RGL1: variants seen among roughly 807,000 people sequenced by gnomAD.
The protein encoded by RGL1 is ral guanine nucleotide dissociation stimulator like 1, also known as ral guanine nucleotide dissociation stimulator-like 1.
In RGL1, 24 loss-of-function variants were observed where a neutral mutation model predicts 95.2. That is an observed-to-expected ratio of 0.25 (90% CI 0.18 to 0.35). RGL1 has a LOEUF of 0.35. Ranked by LOEUF, RGL1 falls within the 10% of genes least tolerant of loss-of-function variation. The pLI is 1.00. For synonymous variants in RGL1, 329 were observed against 344.9 expected, an observed-to-expected ratio of 0.95 and a Z score of 0.51; for missense variants, 715 against 936.3, an observed-to-expected ratio of 0.76 and a Z score of 3.08.
intron 2 of RGL1, among the ~76,000 whole-genome samples, chr1:183,784,963 C>G (rs949239018): frequency 2.0e-5 from 3 of 152,188 alleles, no homozygotes; most frequent in South Asian, 4.1e-4. Context: ...AATTAATAAA[C>G]TAATAAAACA....
In RGL1 at chr1:183,828,972, G is replaced by T. The variant is rs548423849; in HGVS notation, c.139-18594G>T. On this transcript the variant is annotated intron_variant, in intron 2 of 17. Coordinates refer to ENST00000360851, the MANE Select transcript of RGL1 (RefSeq NM_001297671.3). Reference sequence around the variant, plus strand: ...AGCAGATGACTTTACTTCAGTCATGGTTTATTTCATTTTGTCATCATAGGA... The same window carrying T: ...AGCAGATGACTTTACTTCAGTCATGTTTTATTTCATTTTGTCATCATAGGA... Among the ~76,000 whole-genome samples, 4 of 152,304 alleles carry T rather than the reference G, an allele frequency of 2.6e-5. No homozygotes were observed. In the South Asian group the frequency reaches 6.2e-4, roughly 24 times the overall value.
intron 2 of RGL1, among the ~76,000 whole-genome samples, chr1:183,776,241 C>T (rs896174808): frequency 3.3e-5 from 5 of 149,808 alleles, no homozygotes; most frequent in African/African-American, 7.4e-5. Context: ...CTCCGCCTCC[C>T]GGGTTCACGC....
At chr1:183,897,564 A>G (rs1436467586) in intron 9 of RGL1, among the ~76,000 whole-genome samples, 1 of 150,616 alleles carries the variant, frequency 6.6e-6, no homozygotes, top group East Asian at 1.9e-4. Context: ...AAAAAAAAAC[A>G]AAGTTGGGGG....
chr1:183,807,031 G>A (rs1484624759), intron 2 of RGL1, among the ~76,000 whole-genome samples: 1 of 152,160 alleles, frequency 6.6e-6, no homozygotes, highest in East Asian at 1.9e-4. Flanking sequence ...CCACTACTTT[G>A]TGTGTAGAGT....
At chr1:183,640,544 A>G (rs1649855982) in intron 1 of RGL1, among the ~76,000 whole-genome samples, 1 of 152,194 alleles carries the variant, frequency 6.6e-6, no homozygotes, top group South Asian at 2.1e-4. Flanking sequence ...GCCAAAGAAT[A>G]AGTCTTATTT....
intron 2 of RGL1, among the ~76,000 whole-genome samples, chr1:183,814,900 G>A (rs920796753): frequency 1.3e-5 from 2 of 152,336 alleles, no homozygotes; most frequent in African/African-American, 4.8e-5. Context: ...ATTTAAGTAT[G>A]TAGGTAAAAA....
Position 183,904,710 on chromosome 1 carries a change from CA to C in RGL1, c.1351-139del. On this transcript the variant is annotated intron_variant, in intron 12 of 17. Coordinates refer to ENST00000360851, the MANE Select transcript of RGL1 (RefSeq NM_001297671.3). ...GTTAGCTCCTTTATTTTTAAGGAAG[CA>C]GTATTTCAGAATCCTCCTAGATGGT... 3.7e-6 allele frequency: 3 copies of C among 801,732 alleles called. No individual in the cohort carries two copies. The South Asian group carries it at 7.0e-5, about 19-fold the overall frequency. The allele number at this position is 801,732 out of a possible 1,614,324, so 49.7% of individuals were successfully genotyped here. A position where few individuals can be genotyped will look rare whatever the true frequency, so the allele number is the denominator to read the frequency against.
At chr1:183,717,960 T>C (rs1382290547) in intron 1 of RGL1, among the ~76,000 whole-genome samples, 1 of 152,108 alleles carries the variant, frequency 6.6e-6, no homozygotes, top group Non-Finnish European at 1.5e-5. Context: ...AAAGAGCTTG[T>C]TCATGGCTGG....
intron 4 of RGL1, among the ~76,000 whole-genome samples, chr1:183,877,097 T>C (rs1666538401): frequency 6.6e-6 from 1 of 152,196 alleles, no homozygotes; most frequent in African/African-American, 2.4e-5. Flanking sequence ...TATCCAGGCT[T>C]CCTTAGTTCC....
At chr1:183,826,142 C>G (rs569604336) in intron 2 of RGL1, among the ~76,000 whole-genome samples, 3 of 152,186 alleles carry the variant, frequency 2.0e-5, no homozygotes, top group African/African-American at 7.2e-5. Flanking sequence ...CAAGCTCCGC[C>G]TCCCTGGTTC....
At chr1:183,831,838 C>T (rs551089778) in intron 2 of RGL1, among the ~76,000 whole-genome samples, 31 of 152,126 alleles carry the variant, frequency 2.0e-4, no homozygotes, top group African/African-American at 7.5e-4. Flanking sequence ...CAGTCTAGTG[C>T]GGGATACCTA....
intron 2 of RGL1, 62 bp downstream of exon 2, chr1:183,806,547 C>A: frequency 9.9e-6 from 11 of 1,112,578 alleles, no homozygotes; most frequent in African/African-American, 1.6e-5. Flanking sequence ...CTGTGAATAT[C>A]ATTATTATTT....
In RGL1 at chr1:183,658,433, C is replaced by T. The variant is rs570996279; in HGVS notation, c.-33+21932C>T. Among the ~76,000 whole-genome samples, 22 of 152,326 alleles carry T rather than the reference C, an allele frequency of 1.4e-4. No individual in the cohort carries two copies. In the South Asian group the frequency reaches 1.5e-3, roughly 10 times the overall value. On this transcript the variant is annotated intron_variant, in intron 1 of 18. Transcript: ENST00000304685. The stretch of plus-strand genomic sequence containing the variant: ...CCCGCACCTGGCTCGGAGGGTCCTA[C>T]GCCCACGGAGTCTCGCTGATTGCTA...
chr1:183,867,604 GA>G (rs1193903705), intron 4 of RGL1, among the ~76,000 whole-genome samples: 1 of 152,072 alleles, frequency 6.6e-6, no homozygotes, highest in Non-Finnish European at 1.5e-5. Context: ...GGGGAATAGA[GA>G]AATGGATGGA....
chr1:183,923,059 CACAG>C (rs1669403722), intron 17 of RGL1, among the ~76,000 whole-genome samples: 1 of 152,186 alleles, frequency 6.6e-6, no homozygotes, highest in South Asian at 2.1e-4. Context: ...CTTGTCACTT[CACAG>C]ACAGTGACTG....
At chr1:183,886,530 A>G (rs1340134593) in intron 7 of RGL1, among the ~76,000 whole-genome samples, 4 of 152,194 alleles carry the variant, frequency 2.6e-5, no homozygotes, top group African/African-American at 9.7e-5. Context: ...TCAAGCGATG[A>G]CTTTTGGTCC....
intron 2 of RGL1, among the ~76,000 whole-genome samples, chr1:183,780,762 G>T (rs2102354185): frequency 6.6e-6 from 1 of 152,312 alleles, no homozygotes; most frequent in South Asian, 2.1e-4. Flanking sequence ...TCTTCATACT[G>T]TCTGGATAAA....
chr1:183,891,284 A>G (rs936245866), intron 8 of RGL1, among the ~76,000 whole-genome samples: 18 of 152,104 alleles, frequency 1.2e-4, no homozygotes, highest in Admixed American at 2.6e-4. Context: ...GCACTCATTA[A>G]CCCTGGAGGG....
At chr1:183,805,971 CTTTT>C (rs751229707) in intron 1 of RGL1, among the ~76,000 whole-genome samples, 6 of 74,626 alleles carry the variant, frequency 8.0e-5, no homozygotes, top group African/African-American at 1.0e-4. Context: ...CTTTTCTTTT[CTTTT>C]TTTTTTTTTT....
Sources: allele counts gnomAD v4.1 joint callset (sites outside exome capture counted in the v4.1 genomes callset), GRCh38; gene constraint gnomAD v4.1.1; transcripts MANE v1.5; gene names NCBI Gene and HGNC (gene_info 2026-07-23, HGNC 2026-07-21).